Variants in MID1 observed in about 807,000 individuals in gnomAD.
MID1 encodes the protein midline 1.
MID1 carries 7 observed loss-of-function variants against 40.4 expected under a neutral mutation model. The observed-to-expected ratio is 0.17, with a 90% CI of 0.10 to 0.33. The LOEUF is 0.33. Among genes scored for constraint, MID1 ranks in the 10% least tolerant of loss-of-function variants. The pLI is 1.00. For missense variants in MID1, 367 were observed against 558.5 expected (o/e 0.66, Z 3.46); for synonymous variants, 229 against 221.2 (o/e 1.04, Z -0.31).
chrX:10,575,464 A>G (rs1934847043), intron 1 of MID1, among the ~76,000 whole-genome samples: 1 of 112,354 alleles, frequency 8.9e-6, no homozygotes, highest in South Asian at 3.7e-4. Flanking sequence ...CACAAACTCA[A>G]TAAAAACTGG....
intron 2 of MID1, among the ~76,000 whole-genome samples, chrX:10,535,103 G>A (rs1806084235): frequency 8.9e-6 from 1 of 112,129 alleles, no homozygotes; most frequent in Admixed American, 9.5e-5. Flanking sequence ...AAGAAGATGA[G>A]GAGTGTCTAC....
chrX:10,524,092 A>G (rs933860264), intron 2 of MID1, among the ~76,000 whole-genome samples: 1 of 111,987 alleles, frequency 8.9e-6, no homozygotes, highest in African/African-American at 3.2e-5. Context: ...TTCTTTGTCC[A>G]TCAATGCCAG....
intron 1 of MID1, among the ~76,000 whole-genome samples, chrX:10,754,299 G>A (rs1156783708): frequency 9.8e-6 from 1 of 102,181 alleles, no homozygotes; most frequent in Non-Finnish European, 1.9e-5. Context: ...AGACAAGAGA[G>A]TTTTTTTTTG....
intron 7 of MID1, among the ~76,000 whole-genome samples, chrX:10,469,031 G>GC (rs1417190644): frequency 4.2e-4 from 47 of 111,746 alleles, no homozygotes; most frequent in African/African-American, 1.5e-3. Context: ...TTCCAGTGGT[G>GC]CCACTTGCCC....
At chrX:10,452,926 A>G (rs1015324799) in intron 9 of MID1, among the ~76,000 whole-genome samples, 5 of 112,185 alleles carry the variant, frequency 4.5e-5, no homozygotes, top group African/African-American at 1.6e-4. Context: ...TTATTAATAG[A>G]GTAATAATCA....
intron 3 of MID1, among the ~76,000 whole-genome samples, chrX:10,511,347 A>C (rs1932146684): frequency 9.0e-6 from 1 of 111,606 alleles, no homozygotes; most frequent in African/African-American, 3.3e-5. Flanking sequence ...TGAACTATTA[A>C]CATACAAACA....
intron 1 of MID1, among the ~76,000 whole-genome samples, chrX:10,704,716 G>GTATATA (rs771605675): frequency 3.6e-3 from 278 of 78,049 alleles, no homozygotes; most frequent in Middle Eastern, 0.026. Context: ...GTGTGTGTGT[G>GTATATA]TATATATATA....
intron 1 of MID1, among the ~76,000 whole-genome samples, chrX:10,797,795 C>T (rs2043976943): frequency 8.9e-6 from 1 of 111,877 alleles, no homozygotes; most frequent in African/African-American, 3.2e-5. Context: ...AAGCTGTCTC[C>T]ATGAGACAAG....
chrX:10,533,213 G>A (rs1336846536), intron 2 of MID1, among the ~76,000 whole-genome samples: 1 of 109,162 alleles, frequency 9.2e-6, no homozygotes, highest in African/African-American at 3.3e-5. Flanking sequence ...GAAAGTTGAG[G>A]ACTTGTACCT....
intron 4 of MID1, among the ~76,000 whole-genome samples, chrX:10,493,723 T>C (rs373471035): frequency 1.2e-4 from 13 of 112,218 alleles, no homozygotes; most frequent in African/African-American, 3.9e-4. Context: ...TTTGAGATGA[T>C]GGATATGTTA....
intron 4 of MID1, among the ~76,000 whole-genome samples, chrX:10,493,643 T>G (rs779519692): frequency 8.9e-6 from 1 of 112,125 alleles, no homozygotes; most frequent in African/African-American, 3.2e-5. Flanking sequence ...AGCAAATAAA[T>G]AATAACGTAT....
chrX:10,641,258 T>C (rs1171584616), intron 1 of MID1, among the ~76,000 whole-genome samples: 1 of 110,995 alleles, frequency 9.0e-6, no homozygotes, highest in Non-Finnish European at 1.9e-5. Flanking sequence ...ATCAACAAAA[T>C]TGATAGACTG....
chrX:10,607,295 G>A (rs1935643308), intron 1 of MID1, among the ~76,000 whole-genome samples: 3 of 111,727 alleles, frequency 2.7e-5, no homozygotes, highest in South Asian at 7.5e-4. Context: ...CTCAAAGGGA[G>A]GTTTATTTTG....
In MID1 at chrX:10,658,620, A is replaced by G. The variant is rs749473806; in HGVS notation, c.-186-38201T>C. On this transcript the variant is annotated intron_variant, in intron 1 of 10. Transcript: ENST00000380785. ...GTTTTACTCGCACAATTTAACCCAT[A>G]AAATGCCTATGATAGAGGACTCGAA... is the stretch of plus-strand genomic sequence containing the variant. Among the ~76,000 whole-genome samples the G allele has an allele frequency of 3.6e-5, 4 of 109,791 alleles. No homozygotes were observed. In the East Asian group the frequency reaches 8.6e-4, roughly 24 times the overall value.
At chrX:10,554,596 G>A (rs929192833) in intron 2 of MID1, among the ~76,000 whole-genome samples, 1 of 112,120 alleles carries the variant, frequency 8.9e-6, no homozygotes, top group African/African-American at 3.2e-5. Context: ...TATTTAGAAT[G>A]AAAGAGCTAC....
At chrX:10,827,818 G>A (rs755031167) in intron 1 of MID1, among the ~76,000 whole-genome samples, 16 of 110,678 alleles carry the variant, frequency 1.4e-4, no homozygotes, top group African/African-American at 4.3e-4. Context: ...ATGTCGGCAC[G>A]GTGCAGAAAA....
At position 10,446,729 on chromosome X, in the gene MID1, C is replaced by T. The variant is rs1461089755; in HGVS notation, c.*2639G>A. On this transcript the variant is annotated 3_prime_UTR_variant, in exon 10 of 10. Transcript: ENST00000317552. ...CTTGTTCAAAAATTGTTAAGAATTT[C>T]AAGACATCAACAGCAGAGCATTAAA... 2 of 112,163 alleles carry T rather than the reference C, an allele frequency of 1.8e-5. No individual in the cohort carries two copies. Among genetic ancestry groups the T allele is most frequent in the African/African-American group, 6.5e-5 (2 of 30,780 alleles). The allele number at this position is 112,163 out of a possible 1,213,427, so 9.2% of individuals were successfully genotyped here.
intron 1 of MID1, among the ~76,000 whole-genome samples, chrX:10,666,542 G>A (rs2042952694): frequency 9.0e-6 from 1 of 111,706 alleles, no homozygotes; most frequent in African/African-American, 3.3e-5. Flanking sequence ...GATTCTAGAA[G>A]TAAATTGGAT....
chrX:10,491,464 G>T (rs939264625), intron 4 of MID1, among the ~76,000 whole-genome samples: 1 of 110,393 alleles, frequency 9.1e-6, no homozygotes, highest in Non-Finnish European at 1.9e-5. Flanking sequence ...GCCCAGGCTG[G>T]TCTTGAACTC....
Sources: allele counts gnomAD v4.1 joint callset (sites outside exome capture counted in the v4.1 genomes callset), GRCh38; gene constraint gnomAD v4.1.1; transcripts MANE v1.5; gene names NCBI Gene and HGNC (gene_info 2026-07-23, HGNC 2026-07-21).